The following PRDM16 variants were observed in gnomAD, a reference collection of about 807,000 sequenced individuals.
PRDM16 encodes histone-lysine N-methyltransferase PRDM16.
PRDM16 carries 23 observed loss-of-function variants against 110.6 expected under a neutral mutation model. That is an observed-to-expected ratio of 0.21 (90% CI 0.15 to 0.29). The LOEUF is 0.29. Among genes scored for constraint, PRDM16 ranks in the 10% least tolerant of loss-of-function variants. The pLI is 1.00. For missense variants in PRDM16, 1,615 were observed against 1,794.3 expected, an observed-to-expected ratio of 0.90 and a Z score of 1.81; for synonymous variants, 799 against 781.8, an observed-to-expected ratio of 1.02 and a Z score of -0.37.
At chr1:3,314,915 T>C (rs1194588974) in intron 3 of PRDM16, among the ~76,000 whole-genome samples, 1 of 152,160 alleles carries the variant, frequency 6.6e-6, no homozygotes, top group Non-Finnish European at 1.5e-5. Flanking sequence ...TCATAGCCCA[T>C]TTATGATAAA....
intron 7 of PRDM16, among the ~76,000 whole-genome samples, chr1:3,405,209 G>T (rs1643539985): frequency 1.3e-5 from 2 of 152,212 alleles, no homozygotes; most frequent in Non-Finnish European, 2.9e-5. Context: ...GCCCGCCAGG[G>T]TCTCAGCACC....
At chr1:3,096,762 G>A (rs1240395797) in intron 1 of PRDM16, among the ~76,000 whole-genome samples, 4 of 152,320 alleles carry the variant, frequency 2.6e-5, no homozygotes, top group African/African-American at 9.6e-5. Context: ...CGAGAGCCGA[G>A]CAGGGTGGGT....
At chr1:3,416,754 A>T (rs1056450908) in intron 10 of PRDM16, among the ~76,000 whole-genome samples, 7 of 152,216 alleles carry the variant, frequency 4.6e-5, no homozygotes, top group African/African-American at 1.7e-4. Context: ...GGGCCCTGGG[A>T]GCACTGGCCC....
intron 1 of PRDM16, among the ~76,000 whole-genome samples, chr1:3,129,764 G>A (rs548595143): frequency 6.6e-6 from 1 of 152,292 alleles, no homozygotes; most frequent in South Asian, 2.1e-4. Flanking sequence ...GAGAATTGGG[G>A]TTTCAGAACC....
At position 3,073,939 on chromosome 1, in the gene PRDM16, C is replaced by A. The variant is rs543811207; in HGVS notation, c.37+4643C>A. ...CGTGCGGGACACCGTGGGCGCCAGG[C>A]CCCCCGCTTGCCTGGGTTCCCTGCG... On this transcript the variant is annotated intron_variant, in intron 1 of 16. Coordinates refer to ENST00000270722, the MANE Select transcript of PRDM16 (RefSeq NM_022114.4). Among the ~76,000 whole-genome samples the A allele has an allele frequency of 4.7e-3, 723 of 152,280 alleles. 4 individuals carry two copies. The highest frequency in any genetic ancestry group is 0.015 in the African/African-American group (610 of 41,570).
rs553909204 is a variant in PRDM16 at position 3,244,637 on chromosome 1, C to T, written c.438+500C>T. ...AAAAGGGTCCACGTGGCATTATCCACGGCTTTGCTGACTGGTGGTGGATAA... is the reference window on the plus strand; with the variant it reads ...AAAAGGGTCCACGTGGCATTATCCATGGCTTTGCTGACTGGTGGTGGATAA... On this transcript the variant is annotated intron_variant, in intron 3 of 16. Coordinates refer to ENST00000270722, the MANE Select transcript of PRDM16 (RefSeq NM_022114.4). This position sits in a 1 kb window ranked among gnomAD's most constrained non-coding sequence, Gnocchi z 4.1. 7.2e-5 allele frequency among the ~76,000 whole-genome samples: 11 copies of T among 152,254 alleles called. No individual in the cohort carries two copies. Among genetic ancestry groups the T allele is most frequent in the Admixed American group, 2.0e-4 (3 of 15,296 alleles).
intron 2 of PRDM16, among the ~76,000 whole-genome samples, chr1:3,224,319 C>T (rs926897528): frequency 1.3e-5 from 2 of 152,162 alleles, no homozygotes; most frequent in African/African-American, 4.8e-5. Flanking sequence ...AATATCACAC[C>T]CAAAAGTGTA....
At position 3,143,049 on chromosome 1, in the gene PRDM16, G is replaced by A. The variant is rs1375526515; in HGVS notation, c.38-43076G>A. 1.3e-5 allele frequency among the ~76,000 whole-genome samples: 2 copies of A among 152,216 alleles called. No individual in the cohort carries two copies. Among genetic ancestry groups the A allele is most frequent in the Non-Finnish European group, 2.9e-5 (2 of 68,040 alleles). On this transcript the variant is annotated intron_variant, in intron 1 of 16. Coordinates refer to ENST00000270722, the MANE Select transcript of PRDM16 (RefSeq NM_022114.4). This position sits in a 1 kb window ranked among gnomAD's most constrained non-coding sequence, Gnocchi z 4.5. ...CTGTGTTGCTGATGAGATCACATAG[G>A]GGCTGGAGAATTCGTACCCGCGGGC...
intron 2 of PRDM16, among the ~76,000 whole-genome samples, chr1:3,197,681 C>T (rs1323339730): frequency 6.6e-6 from 1 of 152,168 alleles, no homozygotes; most frequent in Non-Finnish European, 1.5e-5. Context: ...TCGCAGGGAG[C>T]AGAATGGGTG....
chr1:3,308,173 G>A (rs1641355592), intron 3 of PRDM16: 1 of 152,250 alleles, frequency 6.6e-6, no homozygotes, highest in South Asian at 2.1e-4. Context: ...TCTCTCAAGG[G>A]GAAATCAGAC....
chr1:3,093,365 C>T (rs1166545066), intron 1 of PRDM16, among the ~76,000 whole-genome samples: 1 of 152,224 alleles, frequency 6.6e-6, no homozygotes, highest in Non-Finnish European at 1.5e-5. Context: ...TCTGTACAGC[C>T]AGGGTGCAAC....
chr1:3,137,250 T>A (rs1195951700), intron 1 of PRDM16, among the ~76,000 whole-genome samples: 2 of 152,168 alleles, frequency 1.3e-5, no homozygotes, highest in African/African-American at 2.4e-5. Context: ...AGCTGAGCTC[T>A]TCTCCCCACG....
At chr1:3,177,687 G>T (rs1355777020) in intron 1 of PRDM16, among the ~76,000 whole-genome samples, 1 of 152,226 alleles carries the variant, frequency 6.6e-6, no homozygotes, top group Non-Finnish European at 1.5e-5. Flanking sequence ...GTTGCTCCTG[G>T]AATCATTCTA....
intron 1 of PRDM16, among the ~76,000 whole-genome samples, chr1:3,131,468 G>A (rs1176195704): frequency 6.6e-6 from 1 of 152,046 alleles, no homozygotes; most frequent in Non-Finnish European, 1.5e-5. Flanking sequence ...TCCATTCACA[G>A]AGCTGTGACC....
chr1:3,234,560 G>A (rs556268395), intron 2 of PRDM16, among the ~76,000 whole-genome samples: 251 of 152,294 alleles, frequency 1.6e-3, no homozygotes, highest in African/African-American at 5.9e-3. Flanking sequence ...GGCCAGGGCA[G>A]CTTCCCTAAG....
At chr1:3,083,000 T>C (rs566086878) in intron 1 of PRDM16, among the ~76,000 whole-genome samples, 30 of 152,286 alleles carry the variant, frequency 2.0e-4, no homozygotes, top group African/African-American at 7.2e-4. Context: ...CGAGCCCCCC[T>C]GCTGGGACAG....
At chr1:3,212,684 GCTGCGGTCCTCT>G (rs2100849252) in intron 2 of PRDM16, among the ~76,000 whole-genome samples, 1 of 144,448 alleles carries the variant, frequency 6.9e-6, no homozygotes, top group African/African-American at 2.6e-5. Flanking sequence ...CGGCCCCCTC[GCTGCGGTCCTCT>G]CTGCCACTGT....
intron 1 of PRDM16, among the ~76,000 whole-genome samples, chr1:3,156,712 C>T (rs1298222397): frequency 6.6e-6 from 1 of 152,226 alleles, no homozygotes; most frequent in Non-Finnish European, 1.5e-5. Flanking sequence ...CGTCCTTCAG[C>T]TCCAGGTCAG....
intron 1 of PRDM16, among the ~76,000 whole-genome samples, chr1:3,160,377 T>TG (rs1284878754): frequency 1.3e-5 from 2 of 152,122 alleles, no homozygotes; most frequent in Non-Finnish European, 2.9e-5. Context: ...AGTCCCTGGC[T>TG]GGGGGAGGGG....
Sources: allele counts gnomAD v4.1 joint callset (sites outside exome capture counted in the v4.1 genomes callset), GRCh38; gene constraint gnomAD v4.1.1; non-coding constraint Gnocchi (gnomAD v3.1); transcripts MANE v1.5; gene names NCBI Gene and HGNC (gene_info 2026-07-23, HGNC 2026-07-21).